The following POGLUT3 variants were observed in gnomAD, a reference collection of about 807,000 sequenced individuals.
The protein encoded by POGLUT3 is KDEL (Lys-Asp-Glu-Leu) containing 2.
A neutral mutation model predicts 54.3 loss-of-function variants in POGLUT3; 48 were observed. That is an observed-to-expected ratio of 0.88 (90% confidence interval 0.70 to 1.12). The LOEUF (loss-of-function observed/expected upper bound fraction) is 1.12, where lower values mean the gene tolerates loss of function less well. Ranked by LOEUF, POGLUT3 falls within the 50% of genes most tolerant of loss-of-function variation. The probability of loss-of-function intolerance (pLI) is 0.00; values close to 1 mark genes in which losing one functional copy is unlikely to be tolerated. For missense variants in POGLUT3, 629 were observed against 618.7 expected, an observed-to-expected ratio of 1.02 and a Z score of -0.18; for synonymous variants, 218 against 237.4, an observed-to-expected ratio of 0.92 and a Z score of 0.75.
chr11:108,474,863 C>T lies in POGLUT3; in HGVS notation c.1488G>A (p.Gln496=), dbSNP rs201485007. 6.8e-6 allele frequency: 11 copies of T among 1,614,152 alleles called. No homozygotes were observed. The highest frequency in any genetic ancestry group is 1.3e-5 in the African/African-American group (1 of 75,058). The change falls in exon 8 of 8, where the codon CAG becomes CAA. Residue 496 remains glutamine, a synonymous_variant. Transcript: ENST00000323468. Reference sequence around the variant, plus strand: ...CTCTTGAAGGCTTTTTCCTGTGGCACTGGCAGATGGCTGTGCTATCTTCTG... The same window carrying T: ...CTCTTGAAGGCTTTTTCCTGTGGCATTGGCAGATGGCTGTGCTATCTTCTG... ...PQPEDSTAIC[Q]CHRKKPSREE...
intron 2 of POGLUT3, among the ~76,000 whole-genome samples, chr11:108,488,187 C>T (rs1035449480): frequency 2.0e-5 from 3 of 151,764 alleles, no homozygotes; most frequent in Non-Finnish European, 4.4e-5. Context: ...CCACGCCCAA[C>T]TAATTTTTTG....
chr11:108,493,796 T>C (rs1251935776), intron 1 of POGLUT3, among the ~76,000 whole-genome samples: 1 of 126,186 alleles, frequency 7.9e-6, no homozygotes, highest in East Asian at 2.1e-4. Flanking sequence ...AAAGCTAGAC[T>C]CTGTCTCAAA....
intron 7 of POGLUT3, among the ~76,000 whole-genome samples, chr11:108,475,784 C>T (rs1210187491): frequency 6.6e-6 from 1 of 151,940 alleles, no homozygotes; most frequent in Non-Finnish European, 1.5e-5. Context: ...TTGGATATTT[C>T]AATTCAATGA....
At chr11:108,475,472 T>TTG (rs1485138605) in intron 7 of POGLUT3, among the ~76,000 whole-genome samples, 6 of 145,886 alleles carry the variant, frequency 4.1e-5, no homozygotes, top group Middle Eastern at 3.4e-3. Context: ...TGTTTTTGTT[T>TTG]TTTTTTTTTT....
intron 2 of POGLUT3, among the ~76,000 whole-genome samples, chr11:108,490,647 G>C (rs781575674): frequency 1.3e-5 from 2 of 151,910 alleles, no homozygotes; most frequent in Non-Finnish European, 2.9e-5. Context: ...TTCATCACCA[G>C]CATTCTCACA....
Position 108,474,776 on chromosome 11 carries a change from T to C in POGLUT3, c.*51A>G, listed in dbSNP as rs753915164. 2 of 1,577,654 alleles carry C rather than the reference T, an allele frequency of 1.3e-6. No homozygotes were observed. The highest frequency in any genetic ancestry group is 1.7e-6 in the Non-Finnish European group (2 of 1,163,844). ...ACTGTCCTTCACAGCTTAGATTCAA[T>C]CTTTCCTTAAAGTGTAGCCGGGATA... On this transcript the variant is annotated 3_prime_UTR_variant, in exon 8 of 8. Transcript: ENST00000323468.
Position 108,472,656 on chromosome 11 carries a change from A to G in POGLUT3, c.*2171T>C, listed in dbSNP as rs1197112498. 1 of 152,202 alleles carries G rather than the reference A, an allele frequency of 6.6e-6. No homozygotes were observed. The highest frequency in any genetic ancestry group is 1.5e-5 in the Non-Finnish European group (1 of 68,052). 9.4% of individuals were successfully genotyped at this position (152,202 alleles called of 1,614,324 possible). A position where few individuals can be genotyped will look rare whatever the true frequency, so the allele number is the denominator to read the frequency against. On this transcript the variant is annotated 3_prime_UTR_variant, in exon 8 of 8. Transcript: ENST00000323468. Reference sequence around the variant, plus strand: ...ATTAGGCCTGTTTGGCAGAGGCAATATAAATTTTTAAAAATGTAAGATGTT... The same window carrying G: ...ATTAGGCCTGTTTGGCAGAGGCAATGTAAATTTTTAAAAATGTAAGATGTT...
At chr11:108,490,908 CAT>C in intron 2 of POGLUT3, 60 bp downstream of exon 2, 1 of 1,296,258 alleles carries the variant, frequency 7.7e-7, no homozygotes, top group Non-Finnish European at 1.1e-6. Context: ...AGGTTTAGGC[CAT>C]TCTGAAAGGC....
Position 108,474,786 on chromosome 11 carries a change from A to G in POGLUT3, c.*41T>C, listed in dbSNP as rs757644547. ...ACAGCTTAGATTCAATCTTTCCTTA[A>G]AGTGTAGCCGGGATACACAGGAGTG... On this transcript the variant is annotated 3_prime_UTR_variant, in exon 8 of 8. Transcript: ENST00000323468. 10 of 1,579,318 alleles carry G rather than the reference A, an allele frequency of 6.3e-6. No homozygotes were observed. Among genetic ancestry groups the G allele is most frequent in the African/African-American group, 6.0e-5 (4 of 67,072 alleles).
intron 2 of POGLUT3, among the ~76,000 whole-genome samples, chr11:108,489,949 G>A (rs887928292): frequency 6.6e-5 from 10 of 152,040 alleles, no homozygotes; most frequent in South Asian, 2.1e-4. Flanking sequence ...GCAGTGGCAC[G>A]ATCACAGCTT....
intron 3 of POGLUT3, among the ~76,000 whole-genome samples, chr11:108,484,587 C>G (rs2093599240): frequency 6.6e-6 from 1 of 152,122 alleles, no homozygotes; most frequent in Non-Finnish European, 1.5e-5. Context: ...GGTGAAACCC[C>G]TTCTCTACTA....
rs1449262609 is a variant in POGLUT3 at position 108,481,216 on chromosome 11, T to C, written c.1062A>G (p.Gly354=). ...FFFQEKEKEL[G]KAKLMGFFDF... is the part of the protein sequence containing the mutation. ...CAAAGAAACCCATCAACTTGGCTTT[T>C]CCAAGCTCCTTTTCTTTCTCTTGGA... The change falls in exon 5 of 8, where the codon GGA becomes GGG. Residue 354 remains glycine (G), a synonymous_variant. Transcript: ENST00000323468. The C allele has an allele frequency of 1.2e-6, 2 of 1,611,108 alleles. No homozygotes were observed. Among genetic ancestry groups the C allele is most frequent in the South Asian group, 2.2e-5 (2 of 90,350 alleles).
intron 4 of POGLUT3, among the ~76,000 whole-genome samples, 188 bp from the exon 5 acceptor site, chr11:108,481,564 A>G (rs1443046475): frequency 2.6e-5 from 4 of 152,220 alleles, no homozygotes; most frequent in Non-Finnish European, 5.9e-5. Flanking sequence ...AGCACTTTCA[A>G]GTTTAGAGTT....
chr11:108,485,300 T>G (rs2093600812), intron 3 of POGLUT3, among the ~76,000 whole-genome samples: 4 of 151,966 alleles, frequency 2.6e-5, no homozygotes, highest in Admixed American at 2.6e-4. Flanking sequence ...GAAGGTGAAA[T>G]CTAAGCAGGA....
chr11:108,488,320 T>C (rs1048829962), intron 2 of POGLUT3, among the ~76,000 whole-genome samples: 5 of 152,256 alleles, frequency 3.3e-5, no homozygotes, highest in Admixed American at 2.6e-4. Flanking sequence ...TCACCGCACC[T>C]GGCCTTAAAC....
In POGLUT3 at chr11:108,474,620, T is replaced by TA. The variant is rs547508372; in HGVS notation, c.*206dup. The TA allele has an allele frequency of 1.2e-4, 49 of 396,348 alleles. No individual in the cohort carries two copies. Among genetic ancestry groups the TA allele is most frequent in the South Asian group, 1.2e-3 (14 of 11,940 alleles). The allele number at this position is 396,348 out of a possible 1,614,324, so 24.6% of individuals were successfully genotyped here. A position where few individuals can be genotyped will look rare whatever the true frequency, so the allele number is the denominator to read the frequency against. On this transcript the variant is annotated 3_prime_UTR_variant, in exon 8 of 8. Coordinates refer to ENST00000323468, the MANE Select transcript of POGLUT3 (RefSeq NM_153705.5). ...TGTACATGCAAATATTCCCAAATCT[T>TA]AAAAAATCTGAAGCCTGAAACACTC...
chr11:108,486,760 C>T (rs76778918), intron 2 of POGLUT3: 6,116 of 259,758 alleles, frequency 0.024, 89 homozygotes, highest in Non-Finnish European at 0.033. Flanking sequence ...AGAAAAAGAA[C>T]GTATTAATTT....
intron 7 of POGLUT3, among the ~76,000 whole-genome samples, chr11:108,475,208 G>A (rs1469120465): frequency 6.6e-6 from 1 of 152,110 alleles, no homozygotes; most frequent in Non-Finnish European, 1.5e-5. Context: ...TCTACAAAAG[G>A]GATGCCAAGC....
intron 2 of POGLUT3, among the ~76,000 whole-genome samples, chr11:108,489,639 A>G (rs1295148014): frequency 6.6e-6 from 1 of 152,186 alleles, no homozygotes; most frequent in Admixed American, 6.5e-5. Context: ...AAGGCAAACT[A>G]GGCCGGGCAT....
Sources: allele counts gnomAD v4.1 joint callset (sites outside exome capture counted in the v4.1 genomes callset), GRCh38; gene constraint gnomAD v4.1.1; transcripts MANE v1.5; gene names NCBI Gene and HGNC (gene_info 2026-07-23, HGNC 2026-07-21).